The following CSMD1 variants were observed in gnomAD, a reference collection of about 807,000 sequenced individuals.
CSMD1 encodes CUB and sushi domain-containing protein 1.
CSMD1 carries 213 observed loss-of-function variants against 417.5 expected under a neutral mutation model. That is an observed-to-expected ratio of 0.51 (90% confidence interval 0.46 to 0.57). CSMD1 has a LOEUF of 0.57. Ranked by LOEUF, CSMD1 falls within the 20% of genes least tolerant of loss-of-function variation. CSMD1 has a pLI of 0.00. For missense variants in CSMD1, 6,923 were observed against 4,529.7 expected, an observed-to-expected ratio of 1.53 and a Z score of -15.17; for synonymous variants, 2,862 against 1,736.8, an observed-to-expected ratio of 1.65 and a Z score of -16.11.
rs73502627 is a variant in CSMD1, at chr8:4,301,926, G to C, written c.415+118027C>G. ...TATTAGAATTTATGTTGCTTTGATAGGGGCTCTTTTCAAACTAATGCCTTA... is the reference window on the plus strand; with the variant it reads ...TATTAGAATTTATGTTGCTTTGATACGGGCTCTTTTCAAACTAATGCCTTA... On this transcript the variant is annotated intron_variant, in intron 3 of 69. Coordinates refer to ENST00000635120, the MANE Select transcript of CSMD1 (RefSeq NM_033225.6). 5.7e-3 allele frequency among the ~76,000 whole-genome samples: 869 copies of C among 152,250 alleles called. 6 individuals are homozygous for C. The highest frequency in any genetic ancestry group is 0.02 in the African/African-American group (836 of 41,520).
chr8:3,455,928 G>C (rs528603608), intron 12 of CSMD1, among the ~76,000 whole-genome samples: 1 of 152,322 alleles, frequency 6.6e-6, no homozygotes, highest in African/African-American at 2.4e-5. Context: ...ACAGAGGCAG[G>C]CAGGCCTCCT....
At chr8:3,474,457 G>A (rs1817292562) in intron 11 of CSMD1, among the ~76,000 whole-genome samples, 1 of 152,014 alleles carries the variant, frequency 6.6e-6, no homozygotes, top group African/African-American at 2.4e-5. Flanking sequence ...CCCTATGAAT[G>A]TCACTCATCC....
rs190882250 is a variant in CSMD1 at position 3,418,052 on chromosome 8, T to C, written c.1562-8447A>G. Among the ~76,000 whole-genome samples, 215 of 152,324 alleles carry C rather than the reference T, an allele frequency of 1.4e-3. 2 individuals carry two copies. Among genetic ancestry groups the C allele is most frequent in the Admixed American group, 0.012 (182 of 15,302 alleles). On this transcript the variant is annotated intron_variant, in intron 12 of 69. Transcript: ENST00000635120. Reference sequence around the variant, plus strand: ...TGTTAAAATGATGTGTGATCGTGCTTAATTATGGTGCTCAGGGAAAATTCG... The same window carrying C: ...TGTTAAAATGATGTGTGATCGTGCTCAATTATGGTGCTCAGGGAAAATTCG...
At chr8:4,315,486 A>C (rs1023997188) in intron 3 of CSMD1, among the ~76,000 whole-genome samples, 3 of 152,206 alleles carry the variant, frequency 2.0e-5, no homozygotes, top group African/African-American at 4.8e-5. Context: ...CTCAAGATAA[A>C]GGATAAATAA....
intron 4 of CSMD1, among the ~76,000 whole-genome samples, chr8:4,027,627 C>G (rs1452376724): frequency 6.6e-6 from 1 of 152,168 alleles, no homozygotes; most frequent in Non-Finnish European, 1.5e-5. Flanking sequence ...AACCTCTTTT[C>G]TTTATAAATT....
chr8:3,110,362 G>C (rs752631469), intron 42 of CSMD1, 27 bp from the exon 43 acceptor site: 2 of 1,554,292 alleles, frequency 1.3e-6, no homozygotes, highest in Non-Finnish European at 1.7e-6. Context: ...GAAAAAACAA[G>C]CGCCATACAG....
chr8:4,775,423 CAG>C (rs1482214490), intron 1 of CSMD1, among the ~76,000 whole-genome samples: 1 of 151,316 alleles, frequency 6.6e-6, no homozygotes, highest in East Asian at 1.9e-4. Context: ...TACAATAAAA[CAG>C]AATCTAAATA....
intron 22 of CSMD1, among the ~76,000 whole-genome samples, chr8:3,344,332 T>C (rs1563292659): frequency 6.6e-6 from 1 of 152,102 alleles, no homozygotes; most frequent in Non-Finnish European, 1.5e-5. Context: ...GTAGGACAAA[T>C]ACCTAATGCA....
At chr8:3,618,681 T>G (rs1802264906) in intron 7 of CSMD1, among the ~76,000 whole-genome samples, 1 of 152,066 alleles carries the variant, frequency 6.6e-6, no homozygotes, top group African/African-American at 2.4e-5. Context: ...ACCAGAAGAT[T>G]AAAATAATTT....
At chr8:4,784,592 A>C (rs1194404757) in intron 1 of CSMD1, among the ~76,000 whole-genome samples, 1 of 152,114 alleles carries the variant, frequency 6.6e-6, no homozygotes, top group Non-Finnish European at 1.5e-5. Flanking sequence ...TAATTATTTC[A>C]CTTACTGTTA....
At chr8:3,220,966 C>T (rs975162093) in intron 28 of CSMD1, among the ~76,000 whole-genome samples, 17 of 152,172 alleles carry the variant, frequency 1.1e-4, no homozygotes, top group African/African-American at 4.1e-4. Context: ...CTCCTACTCC[C>T]TTTCCTTTCC....
At chr8:4,452,502 G>A (rs767429234) in intron 2 of CSMD1, among the ~76,000 whole-genome samples, 2 of 152,238 alleles carry the variant, frequency 1.3e-5, no homozygotes, top group Non-Finnish European at 2.9e-5. Flanking sequence ...GCTAACTACA[G>A]CTTTAATTTT....
At position 3,545,713 on chromosome 8, in the gene CSMD1, T is replaced by C. The variant is rs572988105; in HGVS notation, c.1344+29232A>G. Among the ~76,000 whole-genome samples, 171 of 152,334 alleles carry C rather than the reference T, an allele frequency of 1.1e-3. 1 individual carries two copies. Among genetic ancestry groups the C allele is most frequent in the African/African-American group, 3.9e-3 (163 of 41,568 alleles). On this transcript the variant is annotated intron_variant, in intron 10 of 69. Transcript: ENST00000635120. ...ACACTTAACTGCGAATCACAGCCATTTGACAAGTAATGGTGCTGATTATTT... is the reference window on the plus strand; with the variant it reads ...ACACTTAACTGCGAATCACAGCCATCTGACAAGTAATGGTGCTGATTATTT...
chr8:3,914,509 G>C (rs903270830), intron 5 of CSMD1, among the ~76,000 whole-genome samples: 23 of 152,308 alleles, frequency 1.5e-4, no homozygotes, highest in African/African-American at 5.3e-4. Flanking sequence ...TCTGTGTAAA[G>C]TTTAATTTTT....
At chr8:4,086,604 A>G (rs1053292574) in intron 3 of CSMD1, among the ~76,000 whole-genome samples, 3 of 152,196 alleles carry the variant, frequency 2.0e-5, no homozygotes, top group Non-Finnish European at 4.4e-5. Flanking sequence ...AACCTTGAAT[A>G]AAGTACAATG....
chr8:4,409,883 G>A (rs1475643747), intron 3 of CSMD1, among the ~76,000 whole-genome samples: 1 of 152,002 alleles, frequency 6.6e-6, no homozygotes, highest in Non-Finnish European at 1.5e-5. Flanking sequence ...GTGCAATCTT[G>A]GCTCACTGCA....
At chr8:3,668,531 G>C (rs1421747851) in intron 7 of CSMD1, among the ~76,000 whole-genome samples, 2 of 152,152 alleles carry the variant, frequency 1.3e-5, no homozygotes, top group Admixed American at 1.3e-4. Context: ...GTACACCTTG[G>C]TCCTATTCCT....
intron 7 of CSMD1, among the ~76,000 whole-genome samples, chr8:3,670,701 T>C (rs868147308): frequency 9.8e-6 from 1 of 102,192 alleles, no homozygotes; most frequent in African/African-American, 3.9e-5. Context: ...TATATGTATA[T>C]GGGATATATA....
intron 52 of CSMD1, among the ~76,000 whole-genome samples, chr8:3,007,278 G>C (rs888177800): frequency 7.9e-5 from 12 of 151,624 alleles, no homozygotes; most frequent in African/African-American, 2.9e-4. Context: ...GAAACAACAG[G>C]TGCTGGAGAG....
Sources: allele counts gnomAD v4.1 joint callset (sites outside exome capture counted in the v4.1 genomes callset), GRCh38; gene constraint gnomAD v4.1.1; transcripts MANE v1.5; gene names NCBI Gene and HGNC (gene_info 2026-07-23, HGNC 2026-07-21).